The following ELAVL1 variants were observed in gnomAD, a reference collection of about 807,000 sequenced individuals.
ELAVL1 encodes the protein ELAV-like protein 1.
ELAVL1 carries 1 observed loss-of-function variant against 28.4 expected under a neutral mutation model. The ratio of observed to expected loss-of-function variants is 0.04; its 90% CI spans 0.01 to 0.17. ELAVL1 has a LOEUF of 0.17. Among genes scored for constraint, ELAVL1 ranks in the 10% least tolerant of loss-of-function variants. ELAVL1 has a pLI of 1.00. For synonymous variants in ELAVL1, 174 were observed against 183.5 expected (o/e 0.95, Z 0.42); for missense variants, 157 against 447.2 (o/e 0.35, Z 5.85).
rs17160080 is a variant in ELAVL1, at chr19:7,959,715, G to C, written c.*3768C>G. 6.6e-6 allele frequency: 1 copy of C among 152,134 alleles called. No individual in the cohort carries two copies. Among genetic ancestry groups the C allele is most frequent in the Non-Finnish European group, 1.5e-5 (1 of 68,026 alleles). 9.4% of individuals were successfully genotyped at this position (152,134 alleles called of 1,614,324 possible). On this transcript the variant is annotated 3_prime_UTR_variant, in exon 6 of 6. Transcript: ENST00000407627. Reference sequence around the variant, plus strand: ...TCAGATTCTACTGCCATCATTACACGCCAATTGCCAATGCCACTTAAAAGA... The same window carrying C: ...TCAGATTCTACTGCCATCATTACACCCCAATTGCCAATGCCACTTAAAAGA...
chr19:7,992,174 C>T (rs1336799419), intron 1 of ELAVL1, among the ~76,000 whole-genome samples: 1 of 152,158 alleles, frequency 6.6e-6, no homozygotes, highest in African/African-American at 2.4e-5. Context: ...CTCCTGAACT[C>T]AGGTGATCCA....
At chr19:7,989,521 G>A (rs939456259) in intron 2 of ELAVL1, among the ~76,000 whole-genome samples, 2 of 152,184 alleles carry the variant, frequency 1.3e-5, no homozygotes, top group African/African-American at 4.8e-5. Context: ...AACCACAAGG[G>A]AACAGACAAA....
chr19:7,992,521 T>A (rs1985778777), intron 1 of ELAVL1, among the ~76,000 whole-genome samples: 1 of 152,124 alleles, frequency 6.6e-6, no homozygotes, highest in Non-Finnish European at 1.5e-5. Flanking sequence ...ATTCCAACTC[T>A]ATGACCTTCT....
chr19:7,969,854 G>T (rs968982606), intron 4 of ELAVL1, among the ~76,000 whole-genome samples: 4 of 152,026 alleles, frequency 2.6e-5, no homozygotes, highest in African/African-American at 9.7e-5. Flanking sequence ...TCTAGTAAGG[G>T]GGGCAGGAGG....
chr19:7,977,166 C>G (rs1050787671), intron 3 of ELAVL1, among the ~76,000 whole-genome samples: 1 of 152,202 alleles, frequency 6.6e-6, no homozygotes, highest in African/African-American at 2.4e-5. Context: ...GCCTGCCTAT[C>G]TGCACTGCAG....
chr19:7,988,800 G>A (rs1427803353), intron 2 of ELAVL1, among the ~76,000 whole-genome samples: 4 of 152,330 alleles, frequency 2.6e-5, no homozygotes, highest in Admixed American at 1.3e-4. Flanking sequence ...GAGGAACTCC[G>A]AGCTAGAGGA....
chr19:7,962,213 G>A lies in ELAVL1; in HGVS notation c.*1270C>T, dbSNP rs1204015669. 2.0e-5 allele frequency: 3 copies of A among 153,656 alleles called. No homozygotes were observed. The highest frequency in any genetic ancestry group is 7.2e-5 in the African/African-American group (3 of 41,394). The allele number at this position is 153,656 out of a possible 1,614,324, so 9.5% of individuals were successfully genotyped here. On this transcript the variant is annotated 3_prime_UTR_variant, in exon 6 of 6. Coordinates refer to ENST00000407627, the MANE Select transcript of ELAVL1 (RefSeq NM_001419.3). ...CTTACGACTCCTCCCTGAATGCTGG[G>A]CCACCTGCACCTTCCCTAGCCAAAA... is the stretch of plus-strand genomic sequence containing the variant.
chr19:7,983,451 C>G (rs930762226), intron 2 of ELAVL1, among the ~76,000 whole-genome samples: 2 of 152,206 alleles, frequency 1.3e-5, no homozygotes, highest in African/African-American at 4.8e-5. Context: ...CACTGGACAC[C>G]ACGGGAGGGA....
At chr19:7,964,551 T>C (rs1261606342) in intron 5 of ELAVL1, among the ~76,000 whole-genome samples, 1 of 152,072 alleles carries the variant, frequency 6.6e-6, no homozygotes, top group Non-Finnish European at 1.5e-5. Context: ...TAAGCCTTTC[T>C]GGGCCAGGCA....
At chr19:7,985,868 A>G (rs1417161117) in intron 2 of ELAVL1, among the ~76,000 whole-genome samples, 2 of 152,158 alleles carry the variant, frequency 1.3e-5, no homozygotes, top group Non-Finnish European at 2.9e-5. Context: ...TCTGGCCACA[A>G]GGCAGGGTCT....
At chr19:7,992,589 G>GC (rs1320303962) in intron 1 of ELAVL1, among the ~76,000 whole-genome samples, 2 of 152,052 alleles carry the variant, frequency 1.3e-5, no homozygotes, top group African/African-American at 4.8e-5. Flanking sequence ...AGGTCGGCGT[G>GC]GGGGGGACAA....
chr19:8,001,030 T>C (rs1266079831), intron 1 of ELAVL1, among the ~76,000 whole-genome samples: 1 of 152,248 alleles, frequency 6.6e-6, no homozygotes, highest in Non-Finnish European at 1.5e-5. Flanking sequence ...GCACTAAGTC[T>C]CCTGCTCATC....
chr19:7,985,741 A>G (rs984402642), intron 2 of ELAVL1, among the ~76,000 whole-genome samples: 1 of 152,146 alleles, frequency 6.6e-6, no homozygotes, highest in African/African-American at 2.4e-5. Flanking sequence ...CAGGAAGGAG[A>G]CTGGCAGGGA....
In ELAVL1 at chr19:7,980,941, C is replaced by T. The variant is rs555737530; in HGVS notation, c.276+142G>A. 5.3e-4 allele frequency: 428 copies of T among 809,958 alleles called. 1 individual carries two copies. In the African/African-American group the frequency reaches 6.8e-3, roughly 13 times the overall value. The allele number at this position is 809,958 out of a possible 1,614,324, so 50.2% of individuals were successfully genotyped here. ...TCATGTAAGGCCTGGGTCAGATACA[C>T]CTGACCAGGGTATCTGATGGGAGCC... On this transcript the variant is annotated intron_variant, in intron 3 of 5. Transcript: ENST00000407627.
intron 1 of ELAVL1, among the ~76,000 whole-genome samples, chr19:7,994,747 T>G (rs1018975612): frequency 6.6e-6 from 1 of 151,694 alleles, no homozygotes; most frequent in African/African-American, 2.4e-5. Context: ...AGTGCAGGAG[T>G]TCAAGACCAG....
At position 7,962,530 on chromosome 19, in the gene ELAVL1, A is replaced by T. The variant is rs1984839294; in HGVS notation, c.*953T>A. Reference sequence around the variant, plus strand: ...CCAAAACAAAATCCGACTAAAATAGAAAAAGGTCTAAGCGCTCACGAGAAG... The same window carrying T: ...CCAAAACAAAATCCGACTAAAATAGTAAAAGGTCTAAGCGCTCACGAGAAG... On this transcript the variant is annotated 3_prime_UTR_variant, in exon 6 of 6. Transcript: ENST00000407627. 6.6e-6 allele frequency: 1 copy of T among 152,670 alleles called. No individual in the cohort carries two copies. Among genetic ancestry groups the T allele is most frequent in the Non-Finnish European group, 1.5e-5 (1 of 68,048 alleles). 9.5% of individuals were successfully genotyped at this position (152,670 alleles called of 1,614,324 possible). A position where few individuals can be genotyped will look rare whatever the true frequency, so the allele number is the denominator to read the frequency against.
rs1037747008 is a variant in ELAVL1, at chr19:7,961,825, A to G, written c.*1658T>C. 1.4e-4 allele frequency: 21 copies of G among 152,302 alleles called. No homozygotes were observed. Among genetic ancestry groups the G allele is most frequent in the African/African-American group, 4.8e-4 (20 of 41,572 alleles). The allele number at this position is 152,302 out of a possible 1,614,324, so 9.4% of individuals were successfully genotyped here. A position where few individuals can be genotyped will look rare whatever the true frequency, so the allele number is the denominator to read the frequency against. ...GGACGGTGGTGCCTGCCTATTGCTC[A>G]ATTTCACACTTCAATAAATAAATAC... On this transcript the variant is annotated 3_prime_UTR_variant, in exon 6 of 6. Transcript: ENST00000407627.
intron 3 of ELAVL1, among the ~76,000 whole-genome samples, chr19:7,978,554 C>T (rs1985367244): frequency 6.6e-6 from 1 of 152,204 alleles, no homozygotes; most frequent in Non-Finnish European, 1.5e-5. Flanking sequence ...CCACCAGGTG[C>T]AGACATGTGA....
chr19:7,993,630 C>T (rs962300362), intron 1 of ELAVL1, among the ~76,000 whole-genome samples: 4 of 152,130 alleles, frequency 2.6e-5, no homozygotes, highest in Non-Finnish European at 5.9e-5. Flanking sequence ...TGAAAGTGCG[C>T]CGCACACTGG....
Sources: gnomAD v4.1 joint callset for allele counts (sites outside exome capture counted in the v4.1 genomes callset) on GRCh38, gnomAD v4.1.1 for gene constraint, MANE v1.5 for transcripts, NCBI Gene and HGNC (gene_info 2026-07-23, HGNC 2026-07-21) for gene names.